The following GAS2 variants were observed in gnomAD, a reference collection of about 807,000 sequenced individuals.
The protein encoded by GAS2 is growth arrest specific 2.
GAS2 carries 20 observed loss-of-function variants against 37.5 expected under a neutral mutation model. That is an observed-to-expected ratio of 0.53 (90% CI 0.37 to 0.77). The LOEUF (loss-of-function observed/expected upper bound fraction) is 0.77, where lower values mean the gene tolerates loss of function less well. Among genes scored for constraint, GAS2 ranks in the 30% least tolerant of loss-of-function variants. The probability of loss-of-function intolerance (pLI) is 0.00; values close to 1 mark genes in which losing one functional copy is unlikely to be tolerated. For missense variants in GAS2, 336 were observed against 373.4 expected, an observed-to-expected ratio of 0.90 and a Z score of 0.82; for synonymous variants, 144 against 132.2, an observed-to-expected ratio of 1.09 and a Z score of -0.61.
At chr11:22,664,338 C>T (rs557876241), upstream of GAS2, among the ~76,000 whole-genome samples, 97 of 150,920 alleles carry the variant, frequency 6.4e-4, no homozygotes, top group African/African-American at 2.2e-3. Context: ...GGAAAAATAA[C>T]GTGTTTTATT....
At chr11:22,752,766 C>G (rs1450540209) in intron 6 of GAS2, among the ~76,000 whole-genome samples, 1 of 151,964 alleles carries the variant, frequency 6.6e-6, no homozygotes, top group Non-Finnish European at 1.5e-5. Context: ...GTCCAGTGAA[C>G]AGTTTCAGCA....
intron 1 of GAS2, among the ~76,000 whole-genome samples, chr11:22,655,283 A>G (rs565445029): frequency 1.3e-5 from 2 of 152,286 alleles, no homozygotes; most frequent in East Asian, 1.9e-4. Flanking sequence ...CTCTATTTAT[A>G]TGTAGCAATT....
chr11:22,664,350 A>G (rs1050452723), upstream of GAS2, among the ~76,000 whole-genome samples: 1 of 152,102 alleles, frequency 6.6e-6, no homozygotes, highest in Non-Finnish European at 1.5e-5. Flanking sequence ...TGTTTTATTG[A>G]TCATTTTTAA....
intron 4 of GAS2, among the ~76,000 whole-genome samples, chr11:22,731,729 G>A (rs564499421): frequency 3.3e-5 from 5 of 151,494 alleles, no homozygotes; most frequent in Admixed American, 6.6e-5. Context: ...CCTTATTCTT[G>A]TTTTTGTCTA....
intron 1 of GAS2, among the ~76,000 whole-genome samples, chr11:22,637,460 A>G (rs1180156058): frequency 7.7e-5 from 1 of 13,038 alleles, no homozygotes; most frequent in African/African-American, 3.7e-4. Context: ...TATTAATTAT[A>G]TTAATAGTAT....
chr11:22,735,791 A>G (rs954963842), intron 4 of GAS2, among the ~76,000 whole-genome samples: 14 of 151,902 alleles, frequency 9.2e-5, no homozygotes, highest in Non-Finnish European at 1.9e-4. Context: ...GACACAATTT[A>G]GTCAGTTAAC....
intron 1 of GAS2, among the ~76,000 whole-genome samples, chr11:22,649,644 G>A (rs1848747337): frequency 6.6e-6 from 1 of 152,150 alleles, no homozygotes; most frequent in Non-Finnish European, 1.5e-5. Context: ...GTTTAGTCTT[G>A]GGAGAGCGTA....
rs1015662331 is a variant in GAS2 at position 22,712,930 on chromosome 11, T to C, written c.268-13362T>C. On this transcript the variant is annotated intron_variant, in intron 3 of 7. Coordinates refer to ENST00000454584, the MANE Select transcript of GAS2 (RefSeq NM_001143830.3). ...CATATCTACTAAAAATACAAAAAAG[T>C]AGCCAGGCATGGTGGCTCAAACCTG... Among the ~76,000 whole-genome samples the C allele has an allele frequency of 2.6e-5, 4 of 151,590 alleles. No individual in the cohort carries two copies. The South Asian group carries it at 8.3e-4, about 32-fold the overall frequency.
intron 5 of GAS2, among the ~76,000 whole-genome samples, 197 bp downstream of exon 5, chr11:22,737,965 T>A (rs1852846525): frequency 6.6e-6 from 1 of 152,204 alleles, no homozygotes; most frequent in Admixed American, 6.5e-5. Flanking sequence ...AACCTCAAGA[T>A]CTTGTTGTCA....
At chr11:22,685,954 C>T (rs1416859348) in intron 3 of GAS2, among the ~76,000 whole-genome samples, 165 bp downstream of exon 3, 1 of 152,126 alleles carries the variant, frequency 6.6e-6, no homozygotes, top group Non-Finnish European at 1.5e-5. Context: ...GTTATTTGCA[C>T]TCTAATTACA....
chr11:22,709,382 A>T, intron 3 of GAS2, among the ~76,000 whole-genome samples: 1 of 152,178 alleles, frequency 6.6e-6, no homozygotes, highest in Admixed American at 6.6e-5. Flanking sequence ...ATGTAATTGA[A>T]AGTAGACATG....
At chr11:22,665,169 A>G (rs576751530), upstream of GAS2, among the ~76,000 whole-genome samples, 221 of 152,292 alleles carry the variant, frequency 1.5e-3, no homozygotes, top group Admixed American at 2.5e-3. Context: ...TATAACACCA[A>G]TAATGAACAA....
At chr11:22,756,117 G>A (rs1285580093) in intron 7 of GAS2, among the ~76,000 whole-genome samples, 164 bp downstream of exon 7, 1 of 151,926 alleles carries the variant, frequency 6.6e-6, no homozygotes, top group East Asian at 1.9e-4. Flanking sequence ...TACTACTGAA[G>A]GCTAAATACA....
At chr11:22,664,082 T>C (rs1203214281), upstream of GAS2, among the ~76,000 whole-genome samples, 1 of 152,198 alleles carries the variant, frequency 6.6e-6, no homozygotes, top group Non-Finnish European at 1.5e-5. Context: ...AAGCTGTCTT[T>C]TGTCATTTTT....
intron 4 of GAS2, chr11:22,731,303 A>G (rs911826221): frequency 1.1e-5 from 5 of 438,434 alleles, no homozygotes; most frequent in African/African-American, 1.0e-4. Context: ...AATTGTGTCA[A>G]TATCATTATG....
intron 7 of GAS2, among the ~76,000 whole-genome samples, chr11:22,802,964 T>C (rs1856732584): frequency 6.6e-6 from 1 of 152,144 alleles, no homozygotes. Context: ...CTATCTTATG[T>C]AGCTTAGGTG....
intron 4 of GAS2, among the ~76,000 whole-genome samples, chr11:22,726,997 C>T (rs897867288): frequency 2.0e-5 from 3 of 152,042 alleles, no homozygotes; most frequent in African/African-American, 7.2e-5. Flanking sequence ...ACCTTAGTGC[C>T]TACACCTACT....
intron 3 of GAS2, among the ~76,000 whole-genome samples, chr11:22,708,527 C>T (rs1851238696): frequency 6.6e-6 from 1 of 152,076 alleles, no homozygotes; most frequent in Non-Finnish European, 1.5e-5. Flanking sequence ...CTCATGTCAA[C>T]ACAACTAGTA....
At chr11:22,682,888 G>GAA (rs57025584) in intron 2 of GAS2, among the ~76,000 whole-genome samples, 2,043 of 102,300 alleles carry the variant, frequency 0.02, 42 homozygotes, top group African/African-American at 0.064. Flanking sequence ...AAAAAAAAAG[G>GAA]AAAAAAAAAA....
Sources: allele counts gnomAD v4.1 joint callset (sites outside exome capture counted in the v4.1 genomes callset), GRCh38; gene constraint gnomAD v4.1.1; transcripts MANE v1.5; gene names NCBI Gene and HGNC (gene_info 2026-07-23, HGNC 2026-07-21).